The following SCARA3 variants were observed in gnomAD, a reference collection of about 807,000 sequenced individuals.
SCARA3 encodes scavenger receptor class A member 3.
A neutral mutation model predicts 47.0 loss-of-function variants in SCARA3; 39 were observed. The ratio of observed to expected loss-of-function variants is 0.83; its 90% CI spans 0.64 to 1.08. The LOEUF (loss-of-function observed/expected upper bound fraction) is 1.08. Among genes scored for constraint, SCARA3 ranks in the 50% least tolerant of loss-of-function variants. The probability of loss-of-function intolerance (pLI) is 0.00; values close to 1 mark genes in which losing one functional copy is unlikely to be tolerated. For missense variants in SCARA3, 724 were observed against 792.3 expected, an observed-to-expected ratio of 0.91 and a Z score of 1.04; for synonymous variants, 356 against 334.1, an observed-to-expected ratio of 1.07 and a Z score of -0.71.
intron 2 of SCARA3, 121 bp from the exon 3 acceptor site, chr8:27,651,387 C>G (rs773313563): frequency 5.8e-5 from 71 of 1,231,302 alleles, no homozygotes; most frequent in Non-Finnish European, 7.8e-5. Flanking sequence ...TCGAGAACAG[C>G]TCCCCTTCTG....
chr8:27,650,768 A>G (rs17057494), intron 2 of SCARA3, among the ~76,000 whole-genome samples: 15,040 of 152,264 alleles, frequency 0.099, 906 homozygotes, highest in East Asian at 0.27. Flanking sequence ...CTGGTGGACC[A>G]TGACTATTTG....
the SCARA3 span, chr8:27,701,098 A>AG: frequency 6.6e-6 from 1 of 152,012 alleles, no homozygotes; most frequent in Admixed American, 6.6e-5. Context: ...TAAAAAAAAA[A>AG]CAAAAAAACT....
chr8:27,732,548 C>T, the SCARA3 span, among the ~76,000 whole-genome samples: 1 of 152,148 alleles, frequency 6.6e-6, no homozygotes, highest in Non-Finnish European at 1.5e-5. Context: ...ATGATAAACC[C>T]AGGTTAAAAG....
In SCARA3 at chr8:27,671,562, AC is replaced by A. The variant is rs561855774; in HGVS notation, c.*212del. 147 of 1,270,986 alleles carry A rather than the reference AC, an allele frequency of 1.2e-4. 1 individual carries two copies. The East Asian group carries it at 4.2e-3, about 37-fold the overall frequency. The allele number at this position is 1,270,986 out of a possible 1,614,324, so 78.7% of individuals were successfully genotyped here. On this transcript the variant is annotated 3_prime_UTR_variant, in exon 6 of 6. Coordinates refer to ENST00000301904, the MANE Select transcript of SCARA3 (RefSeq NM_016240.3). ...CACACATACATGTGCACATGCACAC[AC>A]ATGCATGCACACACATGCACACATA...
chr8:27,691,458 A>G, the SCARA3 span, among the ~76,000 whole-genome samples: 1 of 151,990 alleles, frequency 6.6e-6, no homozygotes, highest in Non-Finnish European at 1.5e-5. Context: ...TAACATGCTA[A>G]CGTTTCCAGC....
In SCARA3 at chr8:27,658,928, C is replaced by T; in HGVS notation, c.758C>T (p.Thr253Ile). 9 of 1,614,194 alleles carry T rather than the reference C, an allele frequency of 5.6e-6. No individual in the cohort carries two copies. Among genetic ancestry groups the T allele is most frequent in the Non-Finnish European group, 6.8e-6 (8 of 1,180,042 alleles). ...ACCCTGACCCTCCAGAAGATTGTCA[C>T]CGACTGGCAGAACTACACACGGCTC... The part of the protein sequence containing the change: ...EETLTLQKIV[T>I]DWQNYTRLFS... The change falls in exon 5 of 6, where the codon ACC (threonine) becomes ATC (isoleucine). Residue 253 changes from threonine (T) to isoleucine (I), a missense_variant. Transcript: ENST00000301904.
At chr8:27,678,200 T>C (rs1194911984), downstream of SCARA3, among the ~76,000 whole-genome samples, 1 of 151,984 alleles carries the variant, frequency 6.6e-6, no homozygotes, top group East Asian at 1.9e-4. Flanking sequence ...AAGATAAGAA[T>C]TTAAAGAAAA....
intron 3 of SCARA3, among the ~76,000 whole-genome samples, chr8:27,655,688 C>T: frequency 6.6e-6 from 1 of 152,144 alleles, no homozygotes; most frequent in East Asian, 1.9e-4. Flanking sequence ...TTAAGCATTA[C>T]TTATATTTAT....
chr8:27,688,251 T>C, the SCARA3 span, among the ~76,000 whole-genome samples: 1 of 152,318 alleles, frequency 6.6e-6, no homozygotes, highest in Non-Finnish European at 1.5e-5. Context: ...TGGTTTGTAC[T>C]CTACAATTAT....
Position 27,659,287 on chromosome 8 carries a change from A to G in SCARA3, c.1117A>G (p.Ser373Gly), listed in dbSNP as rs770207142. The G allele has an allele frequency of 3.1e-6, 5 of 1,614,082 alleles. No individual in the cohort carries two copies. The highest frequency in any genetic ancestry group is 4.2e-6 in the Non-Finnish European group (5 of 1,179,996). Residue 373 changes from serine to glycine, a missense_variant, in exon 5 of 6, where the codon AGC becomes GGC. By Grantham distance (56) the Ser-to-Gly change is moderately conservative (BLOSUM62 0). Coordinates refer to ENST00000301904, the MANE Select transcript of SCARA3 (RefSeq NM_016240.3). ...CAATGCCACCGACAACCACGTGCACAGCATGCTCAAGTACCTGGATGACGT... is the reference window on the plus strand; with the variant it reads ...CAATGCCACCGACAACCACGTGCACGGCATGCTCAAGTACCTGGATGACGT... Reference protein sequence around the residue: ...NINATDNHVHSMLKYLDDVRL... With the variant: ...NINATDNHVHGMLKYLDDVRL...
At chr8:27,702,779 A>T in the SCARA3 span, 1 of 152,290 alleles carries the variant, frequency 6.6e-6, no homozygotes, top group Non-Finnish European at 1.5e-5. Context: ...TTCCATCCCC[A>T]CCCAACAGAC....
At chr8:27,723,027 C>T in the SCARA3 span, among the ~76,000 whole-genome samples, 716 of 152,330 alleles carry the variant, frequency 4.7e-3, 7 homozygotes, top group African/African-American at 0.016. Flanking sequence ...ACATCAACCA[C>T]GCTGTGCATC....
At chr8:27,637,441 G>T (rs1301438370) in intron 1 of SCARA3, among the ~76,000 whole-genome samples, 1 of 152,222 alleles carries the variant, frequency 6.6e-6, no homozygotes, top group Non-Finnish European at 1.5e-5. Context: ...ACACAGGCTG[G>T]TGCACCGTGA....
chr8:27,641,541 G>A (rs533919180), intron 1 of SCARA3, among the ~76,000 whole-genome samples: 1 of 152,318 alleles, frequency 6.6e-6, no homozygotes, highest in South Asian at 2.1e-4. Context: ...AGTGCAATTC[G>A]AAGAAAGCAG....
At chr8:27,712,595 T>C in the SCARA3 span, among the ~76,000 whole-genome samples, 85,817 of 148,724 alleles carry the variant, frequency 0.58, 25,022 homozygotes, top group Middle Eastern at 0.74. Context: ...TCTTCCATGT[T>C]TTTTCATGGC....
At chr8:27,705,717 C>T in the SCARA3 span, among the ~76,000 whole-genome samples, 1 of 152,184 alleles carries the variant, frequency 6.6e-6, no homozygotes, top group East Asian at 1.9e-4. Context: ...GTCCCTGCTC[C>T]AAAGGAAGTT....
rs1349284077 is a variant in SCARA3, at chr8:27,636,775, G to A, written c.7+2568G>A. 3.3e-5 allele frequency among the ~76,000 whole-genome samples: 5 copies of A among 152,194 alleles called. No homozygotes were observed. The East Asian group carries it at 9.6e-4, about 29-fold the overall frequency. On this transcript the variant is annotated intron_variant, in intron 1 of 5. Transcript: ENST00000301904. ...ACATCACAGGGGCTGCATGGGCTGC[G>A]GGGCTGGGGGCTGACTTCCAGCACT...
chr8:27,636,773 G>T (rs779688752), intron 1 of SCARA3, among the ~76,000 whole-genome samples: 2 of 152,232 alleles, frequency 1.3e-5, no homozygotes, highest in Non-Finnish European at 2.9e-5. Context: ...TGCATGGGCT[G>T]CGGGGCTGGG....
At chr8:27,654,076 G>A (rs545888395) in intron 3 of SCARA3, among the ~76,000 whole-genome samples, 24 of 152,200 alleles carry the variant, frequency 1.6e-4, no homozygotes, top group African/African-American at 2.2e-4. Flanking sequence ...TTTTTTGACC[G>A]TGCATCCCAT....
Sources: gnomAD v4.1 joint callset for allele counts (sites outside exome capture counted in the v4.1 genomes callset) on GRCh38, gnomAD v4.1.1 for gene constraint, MANE v1.5 for transcripts, NCBI Gene and HGNC (gene_info 2026-07-23, HGNC 2026-07-21) for gene names.